MYO9A: variants seen among roughly 807,000 people sequenced by gnomAD.
MYO9A encodes myosin IXA.
MYO9A carries 103 observed loss-of-function variants against 293.3 expected under a neutral mutation model. The observed-to-expected ratio is 0.35, with a 90% CI of 0.30 to 0.41. The LOEUF (loss-of-function observed/expected upper bound fraction) is 0.41. MYO9A is among the 10% of genes least tolerant of loss of function. The pLI is 1.00. For missense variants in MYO9A, 2,685 were observed against 3,033.0 expected, an observed-to-expected ratio of 0.89 and a Z score of 2.69; for synonymous variants, 1,001 against 1,035.7, an observed-to-expected ratio of 0.97 and a Z score of 0.64.
chr15:72,004,608 T>C (rs935324297), intron 8 of MYO9A, among the ~76,000 whole-genome samples: 3 of 152,110 alleles, frequency 2.0e-5, no homozygotes, highest in Non-Finnish European at 4.4e-5. Context: ...CAACAGATGT[T>C]AAAATATACT....
intron 39 of MYO9A, among the ~76,000 whole-genome samples, chr15:71,844,088 T>C (rs1291118434): frequency 6.6e-6 from 1 of 152,340 alleles, no homozygotes; most frequent in East Asian, 1.9e-4. Flanking sequence ...TTAAACCTTG[T>C]TGACTTTTAC....
At chr15:72,014,770 G>GAGAA (rs879305712) in intron 6 of MYO9A, among the ~76,000 whole-genome samples, 2 of 146,742 alleles carry the variant, frequency 1.4e-5, no homozygotes, top group South Asian at 2.1e-4. Flanking sequence ...AAGAAAGAAA[G>GAGAA]AGAAAGAAAG....
In MYO9A at chr15:72,004,818, CA is replaced by C. The variant is rs1168299121; in HGVS notation, c.1380+3007del. On this transcript the variant is annotated intron_variant, in intron 8 of 41. Transcript: ENST00000356056. ...CATTCATTATTGCCTCAGGTAACTA[CA>C]AAAAAATAACTGAAAAGTAAATAAA... Among the ~76,000 whole-genome samples the C allele has an allele frequency of 2.0e-5, 3 of 152,040 alleles. No homozygotes were observed. The East Asian group carries it at 5.8e-4, about 29-fold the overall frequency.
intron 18 of MYO9A, among the ~76,000 whole-genome samples, chr15:71,932,542 T>C (rs2058507052): frequency 6.6e-6 from 1 of 151,578 alleles, no homozygotes; most frequent in South Asian, 2.1e-4. Flanking sequence ...TGCTGTTTCT[T>C]TGCCCATTGG....
chr15:71,975,621 A>C (rs2076125642), intron 12 of MYO9A, among the ~76,000 whole-genome samples: 1 of 152,108 alleles, frequency 6.6e-6, no homozygotes, highest in African/African-American at 2.4e-5. Flanking sequence ...TTACCTGCCC[A>C]AGGCAGGTCT....
chr15:71,850,990 A>G (rs1343741803), intron 37 of MYO9A, among the ~76,000 whole-genome samples: 1 of 152,050 alleles, frequency 6.6e-6, no homozygotes, highest in African/African-American at 2.4e-5. Context: ...CAGCTGTTAG[A>G]AAACAGGCTA....
At chr15:71,925,291 GTATGTACATATATACGTATATACGTA>G (rs1329727459) in intron 18 of MYO9A, among the ~76,000 whole-genome samples, 48 of 147,038 alleles carry the variant, frequency 3.3e-4, no homozygotes, top group Non-Finnish European at 5.5e-4. Context: ...GTATACACGT[GTATGTACATATATACGTATATACGTA>G]TATGTACATA....
chr15:71,984,386 G>C (rs575762102), intron 11 of MYO9A, among the ~76,000 whole-genome samples: 4 of 152,144 alleles, frequency 2.6e-5, no homozygotes, highest in Non-Finnish European at 5.9e-5. Context: ...CTTTGGTTTA[G>C]TATAATTTTC....
chr15:71,907,458 C>G (rs1416176484), intron 19 of MYO9A, among the ~76,000 whole-genome samples: 2 of 133,360 alleles, frequency 1.5e-5, no homozygotes, highest in East Asian at 2.1e-4. Flanking sequence ...GGTATATACC[C>G]AGTAATGGGA....
intron 10 of MYO9A, among the ~76,000 whole-genome samples, chr15:71,994,249 A>G (rs1379546698): frequency 1.3e-5 from 2 of 152,190 alleles, no homozygotes; most frequent in East Asian, 3.8e-4. Context: ...CATTTTTTAA[A>G]GCAACTCTGA....
chr15:72,107,589 A>G (rs1454931517), intron 1 of MYO9A, among the ~76,000 whole-genome samples: 1 of 151,890 alleles, frequency 6.6e-6, no homozygotes, highest in Non-Finnish European at 1.5e-5. Flanking sequence ...ATAAATATAT[A>G]AATAAATACA....
chr15:71,910,181 T>TATATATATATAA (rs1420253376), intron 19 of MYO9A, among the ~76,000 whole-genome samples: 2 of 145,846 alleles, frequency 1.4e-5, no homozygotes, highest in African/African-American at 5.0e-5. Context: ...TATATATATA[T>TATATATATATAA]AAAATCAGAA....
At chr15:72,068,207 A>C (rs2079077361) in intron 1 of MYO9A, among the ~76,000 whole-genome samples, 1 of 152,206 alleles carries the variant, frequency 6.6e-6, no homozygotes, top group African/African-American at 2.4e-5. Flanking sequence ...TTAAGTAAAC[A>C]TGCATCTAGT....
chr15:71,965,598 T>G (rs2075852118), intron 13 of MYO9A, among the ~76,000 whole-genome samples: 1 of 152,242 alleles, frequency 6.6e-6, no homozygotes, highest in African/African-American at 2.4e-5. Context: ...ATACAAAAAT[T>G]CGCTGGGCGT....
At chr15:72,017,682 C>T (rs1377104600) in intron 6 of MYO9A, among the ~76,000 whole-genome samples, 1 of 152,032 alleles carries the variant, frequency 6.6e-6, no homozygotes, top group Non-Finnish European at 1.5e-5. Flanking sequence ...ATCATTCTCA[C>T]CTGTGAAATA....
rs747952172 is a variant in MYO9A, at chr15:72,019,107, G to T, written c.1099-12C>A. 1.2e-6 allele frequency: 2 copies of T among 1,610,156 alleles called. No individual in the cohort carries two copies. The highest frequency in any genetic ancestry group is 1.7e-6 in the Non-Finnish European group (2 of 1,176,538). On this transcript the variant is annotated splice_polypyrimidine_tract_variant and intron_variant, in intron 5 of 41. Coordinates refer to ENST00000356056, the MANE Select transcript of MYO9A (RefSeq NM_006901.4). ...GGTTTCTTTGTTATCTGAAAGTAAG[G>T]CAGATTAGTTAGGTAGAAGTAATGG... is the stretch of plus-strand genomic sequence containing the variant.
chr15:71,899,049 A>G lies in MYO9A; in HGVS notation c.3471-17T>C. On this transcript the variant is annotated splice_polypyrimidine_tract_variant and intron_variant, in intron 24 of 41. Transcript: ENST00000356056. The stretch of plus-strand genomic sequence containing the variant: ...GCTTTAAATCTATATAAAAACAGAC[A>G]AAATGGGTTATAGAAATATCTTAGT... 1 of 1,538,460 alleles carries G rather than the reference A, an allele frequency of 6.5e-7. No homozygotes were observed. Among genetic ancestry groups the G allele is most frequent in the Admixed American group, 2.0e-5 (1 of 50,930 alleles).
chr15:71,960,940 G>A (rs989059354), intron 13 of MYO9A, among the ~76,000 whole-genome samples: 1 of 152,156 alleles, frequency 6.6e-6, no homozygotes, highest in African/African-American at 2.4e-5. Context: ...CTGGAGCACT[G>A]GGGACAAGGA....
In MYO9A at chr15:72,025,222, T is replaced by C. The variant is rs2077626460; in HGVS notation, c.998+2509A>G. 2.0e-5 allele frequency among the ~76,000 whole-genome samples: 3 copies of C among 151,896 alleles called. No homozygotes were observed. In the South Asian group the frequency reaches 6.2e-4, roughly 32 times the overall value. ...ATTACTAATTATTACTAATATCAGG[T>C]AAAATAAAGACCAAACTTGTTCCTA... is the stretch of plus-strand genomic sequence containing the variant. On this transcript the variant is annotated intron_variant, in intron 4 of 41. Transcript: ENST00000356056.
Sources: gnomAD v4.1 joint callset for allele counts (sites outside exome capture counted in the v4.1 genomes callset) on GRCh38, gnomAD v4.1.1 for gene constraint, MANE v1.5 for transcripts, NCBI Gene and HGNC (gene_info 2026-07-23, HGNC 2026-07-21) for gene names.